Variants in CAMKMT observed in about 807,000 individuals in gnomAD.
CAMKMT encodes the protein calmodulin-lysine N-methyltransferase.
A neutral mutation model predicts 48.0 loss-of-function variants in CAMKMT; 53 were observed. The ratio of observed to expected loss-of-function variants is 1.10; its 90% confidence interval spans 0.89 to 1.39. CAMKMT has a LOEUF of 1.39. CAMKMT is among the 40% of genes most tolerant of loss of function. The probability of loss-of-function intolerance (pLI) is 0.00; values close to 1 mark genes in which losing one functional copy is unlikely to be tolerated. For missense variants in CAMKMT, 428 were observed against 402.7 expected (o/e 1.06, Z -0.54); for synonymous variants, 165 against 152.3 (o/e 1.08, Z -0.61).
chr2:44,385,616 T>C (rs1041131224), intron 2 of CAMKMT, among the ~76,000 whole-genome samples: 7 of 152,168 alleles, frequency 4.6e-5, no homozygotes, highest in African/African-American at 1.7e-4. Flanking sequence ...GGGTTTATCA[T>C]AGATGGCTTT....
intron 3 of CAMKMT, among the ~76,000 whole-genome samples, chr2:44,459,387 G>A (rs1202210929): frequency 6.6e-6 from 1 of 152,060 alleles, no homozygotes; most frequent in Non-Finnish European, 1.5e-5. Context: ...CACATTAAAT[G>A]CCTGGTTGTT....
At chr2:44,411,160 G>A (rs571206816) in intron 3 of CAMKMT, among the ~76,000 whole-genome samples, 21 of 152,090 alleles carry the variant, frequency 1.4e-4, no homozygotes, top group South Asian at 6.2e-4. Context: ...TGTAATTTGC[G>A]GTCTTTATAG....
At chr2:44,596,271 A>C (rs187997252) in intron 3 of CAMKMT, among the ~76,000 whole-genome samples, 2 of 152,144 alleles carry the variant, frequency 1.3e-5, no homozygotes, top group East Asian at 3.9e-4. Context: ...CAACATGGTG[A>C]AACCCTGTCT....
At chr2:44,370,603 G>C (rs111603743) in intron 1 of CAMKMT, among the ~76,000 whole-genome samples, 1 of 151,882 alleles carries the variant, frequency 6.6e-6, no homozygotes, top group East Asian at 1.9e-4. Context: ...ACAACGTTTA[G>C]TATTATCGAT....
At position 44,442,096 on chromosome 2, in the gene CAMKMT, G is replaced by A. The variant is rs375261322; in HGVS notation, c.376+51791G>A. On this transcript the variant is annotated intron_variant, in intron 3 of 10. Coordinates refer to ENST00000378494, the MANE Select transcript of CAMKMT (RefSeq NM_024766.5). ...AACAGATGTGCTGGTAGCAGCTTGGGAATAAAGAGCAGCAGCAGAGTCTGG... is the reference window on the plus strand; with the variant it reads ...AACAGATGTGCTGGTAGCAGCTTGGAAATAAAGAGCAGCAGCAGAGTCTGG... 4.1e-3 allele frequency among the ~76,000 whole-genome samples: 631 copies of A among 152,194 alleles called. 2 individuals carry two copies. Among genetic ancestry groups the A allele is most frequent in the African/African-American group, 0.015 (603 of 41,520 alleles).
At chr2:44,425,287 A>G (rs1051291123) in intron 3 of CAMKMT, among the ~76,000 whole-genome samples, 2 of 152,226 alleles carry the variant, frequency 1.3e-5, no homozygotes, top group Non-Finnish European at 2.9e-5. Context: ...AAATCTACTT[A>G]TGAAGACATT....
At chr2:44,762,805 C>T (rs1375048509) in intron 9 of CAMKMT, among the ~76,000 whole-genome samples, 1 of 152,098 alleles carries the variant, frequency 6.6e-6, no homozygotes. Context: ...GGAACTTCTC[C>T]CTCTCCTCTC....
rs147370457 is a variant in CAMKMT, at chr2:44,437,400, A to G, written c.376+47095A>G. 9.9e-4 allele frequency among the ~76,000 whole-genome samples: 150 copies of G among 152,080 alleles called. 1 individual carries two copies. Among genetic ancestry groups the G allele is most frequent in the African/African-American group, 3.5e-3 (146 of 41,472 alleles). On this transcript the variant is annotated intron_variant, in intron 3 of 10. Coordinates refer to ENST00000378494, the MANE Select transcript of CAMKMT (RefSeq NM_024766.5). ...GGCCCCAAGCAGGGTTACTGGGGGGATAGTTGTTCTGTTGGGGAATAGGGG... is the reference window on the plus strand; with the variant it reads ...GGCCCCAAGCAGGGTTACTGGGGGGGTAGTTGTTCTGTTGGGGAATAGGGG...
chr2:44,675,085 G>GA (rs201919086), intron 3 of CAMKMT, among the ~76,000 whole-genome samples: 18 of 146,432 alleles, frequency 1.2e-4, no homozygotes, highest in East Asian at 4.0e-4. Flanking sequence ...TTAAGGGGGG[G>GA]AAAAAAAAAA....
chr2:44,449,979 A>C (rs1667206511), intron 3 of CAMKMT, among the ~76,000 whole-genome samples: 1 of 152,174 alleles, frequency 6.6e-6, no homozygotes, highest in African/African-American at 2.4e-5. Context: ...AGCGAAATCC[A>C]TGATAATCCA....
intron 7 of CAMKMT, among the ~76,000 whole-genome samples, chr2:44,727,588 A>G (rs1678857565): frequency 6.6e-6 from 1 of 152,194 alleles, no homozygotes; most frequent in Non-Finnish European, 1.5e-5. Flanking sequence ...TTTTATTTGG[A>G]TACCTTTTAT....
intron 1 of CAMKMT, among the ~76,000 whole-genome samples, chr2:44,369,245 G>C (rs1678924521): frequency 6.6e-6 from 1 of 152,094 alleles, no homozygotes. Context: ...TTCAAAGAGA[G>C]ACTACCTTTT....
chr2:44,722,176 C>CTTTTTTT (rs11323950), intron 7 of CAMKMT, among the ~76,000 whole-genome samples: 432 of 115,254 alleles, frequency 3.7e-3, no homozygotes, highest in Non-Finnish European at 4.3e-3. Context: ...TTTCTTTTTT[C>CTTTTTTT]TTTTTTTTTT....
At chr2:44,574,666 ATAGAG>A (rs1669110881) in intron 3 of CAMKMT, among the ~76,000 whole-genome samples, 1 of 151,710 alleles carries the variant, frequency 6.6e-6, no homozygotes, top group Non-Finnish European at 1.5e-5. Context: ...GCGTTGACTT[ATAGAG>A]TAATTTGATA....
chr2:44,515,435 T>A (rs575427813), intron 3 of CAMKMT, among the ~76,000 whole-genome samples: 1 of 152,322 alleles, frequency 6.6e-6, no homozygotes, highest in South Asian at 2.1e-4. Flanking sequence ...CTCTGTGGAA[T>A]ATCTTAGAAC....
chr2:44,400,825 T>C (rs1682299006), intron 3 of CAMKMT: 1 of 150,822 alleles, frequency 6.6e-6, no homozygotes, highest in Non-Finnish European at 1.5e-5. Context: ...GAGTTAAAAT[T>C]GTGAAATGCA....
intron 3 of CAMKMT, among the ~76,000 whole-genome samples, chr2:44,473,114 A>G (rs1455160047): frequency 1.3e-5 from 2 of 152,182 alleles, no homozygotes; most frequent in African/African-American, 2.4e-5. Context: ...CCATTGGTGA[A>G]ATGGTAGCTG....
chr2:44,362,782 T>C (rs979337980), intron 1 of CAMKMT, among the ~76,000 whole-genome samples: 1 of 152,250 alleles, frequency 6.6e-6, no homozygotes, highest in Non-Finnish European at 1.5e-5. Context: ...GTGTTCGTTT[T>C]TGAATGATGG....
chr2:44,711,995 C>A (rs879469733), intron 6 of CAMKMT, among the ~76,000 whole-genome samples: 4 of 152,152 alleles, frequency 2.6e-5, no homozygotes, highest in Non-Finnish European at 4.4e-5. Context: ...CGTCATCTTG[C>A]ATTTCCTTAC....
Sources: allele counts gnomAD v4.1 joint callset (sites outside exome capture counted in the v4.1 genomes callset), GRCh38; gene constraint gnomAD v4.1.1; transcripts MANE v1.5; gene names NCBI Gene and HGNC (gene_info 2026-07-23, HGNC 2026-07-21).